Variants in RRAS2 observed in about 807,000 individuals in gnomAD.
The protein encoded by RRAS2 is RAS related 2.
A neutral mutation model predicts 27.6 loss-of-function variants in RRAS2; 7 were observed. The observed-to-expected ratio is 0.25, with a 90% CI of 0.14 to 0.48. RRAS2 has a LOEUF of 0.48. Ranked by LOEUF, RRAS2 falls within the 20% of genes least tolerant of loss-of-function variation. The pLI, the probability that RRAS2 is intolerant of heterozygous loss-of-function variation, is 0.99. For missense variants in RRAS2, 178 were observed against 256.2 expected (o/e 0.69, Z 2.08); for synonymous variants, 86 against 90.9 (o/e 0.95, Z 0.31).
Position 14,322,906 on chromosome 11 carries a change from A to C in RRAS2, c.109-27051T>G, listed in dbSNP as rs139863903. On this transcript the variant is annotated intron_variant, in intron 1 of 5. Coordinates refer to ENST00000256196, the MANE Select transcript of RRAS2 (RefSeq NM_012250.6). ...GTTAAAGAATGACCACTAAGATCTT[A>C]AGAGGAAACACACAGAACTTATGGA... is the stretch of plus-strand genomic sequence containing the variant. 2.0e-5 allele frequency among the ~76,000 whole-genome samples: 3 copies of C among 152,354 alleles called. No homozygotes were observed. The East Asian group carries it at 5.8e-4, about 29-fold the overall frequency.
At chr11:14,314,533 C>T (rs537339026) in intron 1 of RRAS2, among the ~76,000 whole-genome samples, 1 of 152,184 alleles carries the variant, frequency 6.6e-6, no homozygotes, top group Admixed American at 6.5e-5. Context: ...ATTTCCATTA[C>T]ATTTTTTTCA....
intron 1 of RRAS2, among the ~76,000 whole-genome samples, chr11:14,305,843 G>A (rs536594050): frequency 1.8e-4 from 28 of 152,038 alleles, no homozygotes; most frequent in Admixed American, 3.9e-4. Flanking sequence ...CCAGGAATTC[G>A]AGACCAGCTG....
chr11:14,337,075 G>T (rs1848602512), intron 1 of RRAS2: 1 of 152,182 alleles, frequency 6.6e-6, no homozygotes, highest in Admixed American at 6.5e-5. Flanking sequence ...TCTTTCAGGT[G>T]CTGATCAAAG....
In RRAS2 at chr11:14,303,347, A is replaced by G. The variant is rs916589018; in HGVS notation, c.109-7492T>C. ...TAAACTCAATGGGTATAAGCATAAA[A>G]CTTTCCCTCCAAGCCCCTCTGTGGG... On this transcript the variant is annotated intron_variant, in intron 1 of 5. Coordinates refer to ENST00000256196, the MANE Select transcript of RRAS2 (RefSeq NM_012250.6). Among the ~76,000 whole-genome samples, 3 of 152,176 alleles carry G rather than the reference A, an allele frequency of 2.0e-5. No homozygotes were observed. The South Asian group carries it at 6.2e-4, about 32-fold the overall frequency.
chr11:14,295,828 T>C lies in RRAS2; in HGVS notation c.136A>G (p.Thr46Ala). The change falls in exon 2 of 6, where the codon ACC (threonine) becomes GCC (alanine). Residue 46 changes from threonine (T) to alanine (A), a missense_variant. By Grantham distance (58) the Thr-to-Ala change is moderately conservative. Coordinates refer to ENST00000256196, the MANE Select transcript of RRAS2 (RefSeq NM_012250.6). The stretch of plus-strand genomic sequence containing the variant: ...TGCTTTGTGTAAGAATCTTCAATGG[T>C]TGGATCATAATCCGTTACAAAATAG... Reference protein sequence around the residue: ...QSYFVTDYDPTIEDSYTKQCV... With the variant: ...QSYFVTDYDPAIEDSYTKQCV... 1.2e-6 allele frequency: 2 copies of C among 1,613,554 alleles called. No homozygotes were observed. The highest frequency in any genetic ancestry group is 1.3e-5 in the African/African-American group (1 of 75,030).
intron 1 of RRAS2, among the ~76,000 whole-genome samples, chr11:14,338,326 A>G (rs2134018987): frequency 6.6e-6 from 1 of 152,342 alleles, no homozygotes; most frequent in South Asian, 2.1e-4. Flanking sequence ...AGTATCCCTT[A>G]TCTGAAATAC....
chr11:14,341,781 T>C, intron 1 of RRAS2: 1 of 453,446 alleles, frequency 2.2e-6, no homozygotes, highest in South Asian at 1.6e-5. Flanking sequence ...CAGAAAATGT[T>C]ATGAAAAAAT....
intron 4 of RRAS2, among the ~76,000 whole-genome samples, chr11:14,283,523 A>T (rs1849594830): frequency 6.6e-6 from 1 of 152,190 alleles, no homozygotes; most frequent in African/African-American, 2.4e-5. Context: ...TCACCGGCAA[A>T]TCTATCTGGG....
intron 5 of RRAS2, among the ~76,000 whole-genome samples, 192 bp from the exon 6 acceptor site, chr11:14,279,616 C>G (rs1436191556): frequency 6.6e-6 from 1 of 152,142 alleles, no homozygotes; most frequent in African/African-American, 2.4e-5. Flanking sequence ...ACAAGCAGAG[C>G]TATGAAGCTG....
At chr11:14,328,118 C>T (rs1848403420) in intron 1 of RRAS2, among the ~76,000 whole-genome samples, 1 of 151,984 alleles carries the variant, frequency 6.6e-6, no homozygotes, top group South Asian at 2.1e-4. Flanking sequence ...CTATAATTCT[C>T]GCACTTTTGG....
In RRAS2 at chr11:14,302,073, T is replaced by TACACACACACACACACACACACACAC. The variant is rs57730782; in HGVS notation, c.109-6244_109-6219dup. Among the ~76,000 whole-genome samples, 184 of 142,470 alleles carry TACACACACACACACACACACACACAC rather than the reference T, an allele frequency of 1.3e-3. 4 individuals carry two copies. The highest frequency in any genetic ancestry group is 3.6e-3 in the East Asian group (17 of 4,722). 93.5% of individuals were successfully genotyped at this position (142,470 alleles called of 152,430 possible). ...ACAAGGAGTAAATGTACCACACACATACACACACACACACACACACACACA... is the reference window on the plus strand; with the variant it reads ...ACAAGGAGTAAATGTACCACACACATACACACACACACACACACACACACACACACACACACACACACACACACACA... On this transcript the variant is annotated intron_variant, in intron 1 of 5. Coordinates refer to ENST00000256196, the MANE Select transcript of RRAS2 (RefSeq NM_012250.6).
chr11:14,301,483 G>T (rs879954693), intron 1 of RRAS2, among the ~76,000 whole-genome samples: 1 of 150,886 alleles, frequency 6.6e-6, no homozygotes, highest in Non-Finnish European at 1.5e-5. Context: ...TATCTACTTC[G>T]TCTTTTATTT....
chr11:14,293,124 A>AATATATACATAT (rs1847452433), intron 4 of RRAS2, among the ~76,000 whole-genome samples: 2 of 76,822 alleles, frequency 2.6e-5, no homozygotes, highest in African/African-American at 1.3e-4. Flanking sequence ...AAACAAAACA[A>AATATATACATAT]ATATATATAT....
At chr11:14,326,116 A>C (rs1848351715) in intron 1 of RRAS2, among the ~76,000 whole-genome samples, 2 of 152,248 alleles carry the variant, frequency 1.3e-5, no homozygotes, top group African/African-American at 4.8e-5. Context: ...AATGGTGCTA[A>C]AAAGTGACCT....
At chr11:14,312,141 A>T (rs1282301527) in intron 1 of RRAS2, among the ~76,000 whole-genome samples, 2 of 152,204 alleles carry the variant, frequency 1.3e-5, no homozygotes, top group African/African-American at 4.8e-5. Context: ...CTGGGATTAC[A>T]GGTGTGAGCC....
intron 1 of RRAS2, among the ~76,000 whole-genome samples, chr11:14,304,026 T>C (rs565200806): frequency 3.8e-4 from 58 of 152,328 alleles, no homozygotes; most frequent in Non-Finnish European, 5.7e-4. Flanking sequence ...ACAGTGTCCC[T>C]TTCTAGATGG....
At chr11:14,296,840 G>C (rs547080013) in intron 1 of RRAS2, among the ~76,000 whole-genome samples, 2 of 152,140 alleles carry the variant, frequency 1.3e-5, no homozygotes, top group African/African-American at 2.4e-5. Flanking sequence ...GGGGGGGACA[G>C]TTAAAGTATC....
intron 1 of RRAS2, among the ~76,000 whole-genome samples, chr11:14,314,133 G>C (rs1591465032): frequency 6.6e-6 from 1 of 152,148 alleles, no homozygotes; most frequent in African/African-American, 2.4e-5. Flanking sequence ...TCTAGCCTGT[G>C]AGCTAAATAA....
intron 1 of RRAS2, among the ~76,000 whole-genome samples, chr11:14,309,212 C>A (rs1847901589): frequency 6.6e-6 from 1 of 152,148 alleles, no homozygotes; most frequent in South Asian, 2.1e-4. Flanking sequence ...TCATTTCTCA[C>A]CTCTTCTAGA....
Sources: gnomAD v4.1 joint callset for allele counts (sites outside exome capture counted in the v4.1 genomes callset) on GRCh38, gnomAD v4.1.1 for gene constraint, MANE v1.5 for transcripts, NCBI Gene and HGNC (gene_info 2026-07-23, HGNC 2026-07-21) for gene names.